Variants in DDX43 observed in about 807,000 individuals in gnomAD.
The protein encoded by DDX43 is probable ATP-dependent RNA helicase DDX43.
Under a neutral mutation model 84.9 loss-of-function variants are expected in DDX43, and 50 were observed. That is an observed-to-expected ratio of 0.59 (90% CI 0.47 to 0.75). DDX43 has a LOEUF of 0.75. DDX43 is among the 30% of genes least tolerant of loss of function. DDX43 has a pLI of 0.00. For synonymous variants in DDX43, 291 were observed against 266.3 expected (o/e 1.09, Z -0.90); for missense variants, 689 against 798.6 (o/e 0.86, Z 1.65).
Position 73,395,353 on chromosome 6 carries a change from C to T in DDX43, c.250+198C>T, listed in dbSNP as rs530683531. ...GGCGCGTTGGCTCACGCCTGTAATC[C>T]CAGTATTTTGGGAGGCCGAGGCGGG... On this transcript the variant is annotated intron_variant, in intron 1 of 16. Coordinates refer to ENST00000370336, the MANE Select transcript of DDX43 (RefSeq NM_018665.3). Among the ~76,000 whole-genome samples, 7 of 152,240 alleles carry T rather than the reference C, an allele frequency of 4.6e-5. No homozygotes were observed. The South Asian group carries it at 1.0e-3, about 23-fold the overall frequency.
intron 7 of DDX43, 104 bp from the exon 8 acceptor site, chr6:73,407,401 G>T: frequency 1.3e-6 from 1 of 785,798 alleles, no homozygotes. Context: ...TTACAGGCGT[G>T]AGCCACCACG....
chr6:73,400,351 G>T lies in DDX43; in HGVS notation c.424G>T (p.Glu142Ter). The change falls in exon 3 of 17, where the codon GAA becomes TAA. Residue 142 changes from glutamate (E) to a stop codon, truncating the protein, a stop_gained. Coordinates refer to ENST00000370336, the MANE Select transcript of DDX43 (RefSeq NM_018665.3). LOFTEE classifies it high-confidence loss of function. Reference sequence around the variant, plus strand: ...AAAGCTAGAAGAAAATTACAATTCAGAATGCGGAATTGGTAAGTAATTTTC... The same window carrying T: ...AAAGCTAGAAGAAAATTACAATTCATAATGCGGAATTGGTAAGTAATTTTC... ...VKKLEENYNS[E>*]CGIDTAFQPS... 1 of 1,605,052 alleles carries T rather than the reference G, an allele frequency of 6.2e-7. No homozygotes were observed. The highest frequency in any genetic ancestry group is 1.1e-5 in the South Asian group (1 of 88,790).
intron 11 of DDX43, 47 bp downstream of exon 11, chr6:73,412,339 C>A: frequency 2.6e-6 from 4 of 1,525,120 alleles, no homozygotes; most frequent in Non-Finnish European, 3.6e-6. Flanking sequence ...TATGAAAATT[C>A]TGAAGATAGC....
rs1360905224 is a variant in DDX43 at position 73,414,593 on chromosome 6, T to C, written c.1652T>C (p.Leu551Pro). Residue 551 changes from leucine to proline, a missense_variant, in exon 14 of 17, where the codon CTT becomes CCT. Leu to Pro is a moderately conservative substitution (Grantham distance 98). Coordinates refer to ENST00000370336, the MANE Select transcript of DDX43 (RefSeq NM_018665.3). ...LIATDLASRGLDVHDVTHVYN... is the reference protein window; with the variant it reads ...LIATDLASRGPDVHDVTHVYN... ...GCAACTGATCTAGCCTCTAGAGGAC[T>C]TGATGTCCATGACGTTACACATGTC... The C allele has an allele frequency of 6.2e-7, 1 of 1,613,232 alleles. No homozygotes were observed. Among genetic ancestry groups the C allele is most frequent in the Non-Finnish European group, 8.5e-7 (1 of 1,179,354 alleles).
In DDX43 at chr6:73,406,351, C is replaced by T; in HGVS notation, c.808-13C>T. 1 of 1,564,264 alleles carries T rather than the reference C, an allele frequency of 6.4e-7. No individual in the cohort carries two copies. ...ATGTACTTTTTGTGTTAATGTTTAT[C>T]ATTCCGTTTCAGTCACAGGCATGGC... On this transcript the variant is annotated splice_polypyrimidine_tract_variant and intron_variant, in intron 6 of 16. Coordinates refer to ENST00000370336, the MANE Select transcript of DDX43 (RefSeq NM_018665.3).
At position 73,412,211 on chromosome 6, in the gene DDX43, A is replaced by T; in HGVS notation, c.1287A>T (p.Thr429=). The T allele has an allele frequency of 2.5e-6, 4 of 1,612,160 alleles. No homozygotes were observed. The highest frequency in any genetic ancestry group is 3.4e-6 in the Non-Finnish European group (4 of 1,179,194). ...TTGTAACTTGTATTCCCAGTGCTAC[A>T]TGGCCTCATTCAGTTCATCGCCTCG... ...PDRQTVMTSA[T]WPHSVHRLAQ... Residue 429 remains threonine (T), a synonymous_variant, in exon 11 of 17, where the codon ACA becomes ACT. Coordinates refer to ENST00000370336, the MANE Select transcript of DDX43 (RefSeq NM_018665.3).
rs374672057 is a variant in DDX43, at chr6:73,397,355, A to G, written c.251-334A>G. Among the ~76,000 whole-genome samples, 4 of 152,212 alleles carry G rather than the reference A, an allele frequency of 2.6e-5. No homozygotes were observed. The East Asian group carries it at 5.8e-4, about 22-fold the overall frequency. ...TTTGTATGTCATTGGAGAAATGTCT[A>G]TTCAAGTGTTTGCCCATTTTTCAAA... On this transcript the variant is annotated intron_variant, in intron 1 of 16. Coordinates refer to ENST00000370336, the MANE Select transcript of DDX43 (RefSeq NM_018665.3).
At chr6:73,414,482 T>C (rs2280285) in intron 13 of DDX43, 66 bp from the exon 14 acceptor site, 3 of 1,296,448 alleles carry the variant, frequency 2.3e-6, no homozygotes, top group African/African-American at 1.5e-5. Context: ...AGGGCAAATA[T>C]TATTTTTAGA....
At chr6:73,404,172 A>G (rs1364351296) in intron 4 of DDX43, among the ~76,000 whole-genome samples, 3 of 150,696 alleles carry the variant, frequency 2.0e-5, no homozygotes, top group Non-Finnish European at 4.4e-5. Context: ...CTGGAGTGCA[A>G]TGGCGCTGTC....
Position 73,405,760 on chromosome 6 carries a change from T to C in DDX43, c.732T>C (p.Asp244=). The part of the protein sequence containing the change: ...RPIPNPTCTF[D]DAFQCYPEVM... ...TCCCCAATCCTACCTGCACATTTGA[T>C]GACGCCTTTCAATGTTATCCTGAGG... Residue 244 remains aspartate (D), a synonymous_variant, in exon 6 of 17, where the codon GAT becomes GAC. Coordinates refer to ENST00000370336, the MANE Select transcript of DDX43 (RefSeq NM_018665.3). 2 of 1,614,148 alleles carry C rather than the reference T, an allele frequency of 1.2e-6. No individual in the cohort carries two copies. Among genetic ancestry groups the C allele is most frequent in the South Asian group, 1.1e-5 (1 of 91,080 alleles).
intron 13 of DDX43, 33 bp from the exon 14 acceptor site, chr6:73,414,515 A>G (rs1769865419): frequency 6.3e-7 from 1 of 1,582,456 alleles, no homozygotes; most frequent in Admixed American, 1.8e-5. Flanking sequence ...TTATACCAGA[A>G]TGGTTCAGTG....
chr6:73,413,856 A>G, intron 12 of DDX43, 71 bp downstream of exon 12: 1 of 1,546,924 alleles, frequency 6.5e-7, no homozygotes, highest in South Asian at 1.2e-5. Flanking sequence ...TTGTATACTA[A>G]TTCCAAATGG....
intron 11 of DDX43, among the ~76,000 whole-genome samples, chr6:73,412,668 T>TGTGTGTGTGTGTGC (rs538597626): frequency 0.068 from 7,314 of 106,964 alleles, 463 homozygotes; most frequent in South Asian, 0.09. Flanking sequence ...TGTGTGTGTG[T>TGTGTGTGTGTGTGC]GCGCGCGCGC....
chr6:73,415,827 A>G (rs1769889021), intron 15 of DDX43, among the ~76,000 whole-genome samples: 1 of 152,172 alleles, frequency 6.6e-6, no homozygotes, highest in Non-Finnish European at 1.5e-5. Flanking sequence ...GGAAAGTTGT[A>G]GAAGATGGGG....
At chr6:73,407,910 A>G in intron 8 of DDX43, 50 bp from the exon 9 acceptor site, 1 of 1,546,212 alleles carries the variant, frequency 6.5e-7, no homozygotes, top group Non-Finnish European at 8.8e-7. Context: ...TTAAGTTGTG[A>G]TGAGATATTC....
At chr6:73,412,664 TGTGTGC>T (rs1161299419) in intron 11 of DDX43, among the ~76,000 whole-genome samples, 2,518 of 88,692 alleles carry the variant, frequency 0.028, 139 homozygotes, top group African/African-American at 0.096. Flanking sequence ...TGTGTGTGTG[TGTGTGC>T]GCGCGCGCGT....
intron 1 of DDX43, among the ~76,000 whole-genome samples, chr6:73,395,783 A>C (rs1769459709): frequency 6.6e-6 from 1 of 152,108 alleles, no homozygotes; most frequent in African/African-American, 2.4e-5. Context: ...ACAAAACTTA[A>C]TCAGTCTTTC....
At chr6:73,416,628 A>G (rs1245207425) in intron 16 of DDX43, among the ~76,000 whole-genome samples, 1 of 152,218 alleles carries the variant, frequency 6.6e-6, no homozygotes. Flanking sequence ...ATATTATTAC[A>G]CTTGTAAGAG....
At chr6:73,395,199 G>A in intron 1 of DDX43, 44 bp downstream of exon 1, 1 of 1,553,022 alleles carries the variant, frequency 6.4e-7, no homozygotes, top group Non-Finnish European at 8.7e-7. Context: ...GTGGGGCCAG[G>A]GGCGGAGCCT....
Sources: allele counts gnomAD v4.1 joint callset (sites outside exome capture counted in the v4.1 genomes callset), GRCh38; gene constraint gnomAD v4.1.1; transcripts MANE v1.5; gene names NCBI Gene and HGNC (gene_info 2026-07-23, HGNC 2026-07-21).